The following LRRC4C variants were observed in gnomAD, a reference collection of about 807,000 sequenced individuals.
The protein encoded by LRRC4C is leucine-rich repeat-containing protein 4C.
In LRRC4C, 5 loss-of-function variants were observed where a neutral mutation model predicts 33.6. The ratio of observed to expected loss-of-function variants is 0.15; its 90% confidence interval spans 0.08 to 0.31. LRRC4C has a LOEUF of 0.31. Among genes scored for constraint, LRRC4C ranks in the 10% least tolerant of loss-of-function variants. The pLI is 1.00. For missense variants in LRRC4C, 560 were observed against 796.7 expected, an observed-to-expected ratio of 0.70 and a Z score of 3.58; for synonymous variants, 329 against 302.0, an observed-to-expected ratio of 1.09 and a Z score of -0.93.
At chr11:40,623,688 C>G (rs572550308) in intron 3 of LRRC4C, among the ~76,000 whole-genome samples, 1 of 152,178 alleles carries the variant, frequency 6.6e-6, no homozygotes, top group East Asian at 1.9e-4. Context: ...CAACAATGTC[C>G]TGGCTGCTGG....
chr11:41,239,870 C>T (rs114699902), intron 1 of LRRC4C, among the ~76,000 whole-genome samples: 362 of 152,204 alleles, frequency 2.4e-3, no homozygotes, highest in African/African-American at 7.1e-3. Context: ...ATATTATTTT[C>T]GTTCATTCAT....
At position 41,178,673 on chromosome 11, in the gene LRRC4C, G is replaced by A. The variant is rs182610499; in HGVS notation, c.-495-244950C>T. Among the ~76,000 whole-genome samples the A allele has an allele frequency of 2.6e-3, 390 of 152,068 alleles. 2 individuals are homozygous for A. Among genetic ancestry groups the A allele is most frequent in the African/African-American group, 8.9e-3 (370 of 41,494 alleles). On this transcript the variant is annotated intron_variant, in intron 1 of 6. Coordinates refer to ENST00000528697, the MANE Select transcript of LRRC4C (RefSeq NM_001258419.2). ...TGCCTAGCCCCAGACTTTCTAAATC[G>A]GATTATTTAAAGGTGAGACCCAGGA...
At chr11:41,147,789 A>T (rs933598459) in intron 1 of LRRC4C, among the ~76,000 whole-genome samples, 1 of 152,198 alleles carries the variant, frequency 6.6e-6, no homozygotes, top group African/African-American at 2.4e-5. Context: ...ATAAAGCCAT[A>T]AAAAGTTGCT....
At chr11:41,229,622 T>A (rs928301980) in intron 1 of LRRC4C, among the ~76,000 whole-genome samples, 2 of 152,098 alleles carry the variant, frequency 1.3e-5, no homozygotes, top group Admixed American at 1.3e-4. Context: ...ATGGCCAATT[T>A]CTCAAAAATG....
chr11:40,546,456 T>A (rs1956929238), intron 3 of LRRC4C, among the ~76,000 whole-genome samples: 1 of 152,070 alleles, frequency 6.6e-6, no homozygotes, highest in South Asian at 2.1e-4. Context: ...TTGGGATCAA[T>A]TTTACATGGT....
intron 1 of LRRC4C, among the ~76,000 whole-genome samples, chr11:41,362,855 G>A (rs1403024817): frequency 1.3e-5 from 2 of 151,292 alleles, no homozygotes; most frequent in African/African-American, 4.9e-5. Context: ...AATCTTTTCT[G>A]TCTGACTCTG....
chr11:40,939,030 T>C (rs766368862), intron 1 of LRRC4C, among the ~76,000 whole-genome samples: 63 of 152,078 alleles, frequency 4.1e-4, no homozygotes, highest in Non-Finnish European at 7.5e-4. Flanking sequence ...GTTTATGATA[T>C]AATAGTGAAT....
At chr11:40,150,385 TTC>T (rs935559333) in intron 5 of LRRC4C, among the ~76,000 whole-genome samples, 52 of 152,342 alleles carry the variant, frequency 3.4e-4, no homozygotes, top group African/African-American at 1.1e-3. Context: ...GTAAAGCAAT[TTC>T]TTTGTATTCT....
chr11:41,149,272 G>A (rs553292862), intron 1 of LRRC4C, among the ~76,000 whole-genome samples: 63 of 152,168 alleles, frequency 4.1e-4, no homozygotes, highest in African/African-American at 1.3e-3. Flanking sequence ...TTGGGAGGCC[G>A]AGGCGGGCGG....
At chr11:40,806,967 A>G (rs1228281101) in intron 2 of LRRC4C, among the ~76,000 whole-genome samples, 1 of 152,070 alleles carries the variant, frequency 6.6e-6, no homozygotes, top group African/African-American at 2.4e-5. Context: ...GATTAAAAAA[A>G]AACTGCTCTA....
chr11:40,433,137 A>G (rs996755512), intron 3 of LRRC4C, among the ~76,000 whole-genome samples: 1 of 152,176 alleles, frequency 6.6e-6, no homozygotes, highest in Non-Finnish European at 1.5e-5. Context: ...ATATTTTTGT[A>G]ACTTTCTTTT....
At chr11:41,081,107 T>G (rs752952639) in intron 1 of LRRC4C, among the ~76,000 whole-genome samples, 2 of 152,186 alleles carry the variant, frequency 1.3e-5, no homozygotes, top group Non-Finnish European at 2.9e-5. Flanking sequence ...GACACATTAT[T>G]GTACCTGAGT....
chr11:41,099,746 C>A (rs1941048407), intron 1 of LRRC4C, among the ~76,000 whole-genome samples: 1 of 152,106 alleles, frequency 6.6e-6, no homozygotes, highest in South Asian at 2.1e-4. Flanking sequence ...ACTAAATAGG[C>A]AAAAGCTAGG....
At chr11:41,179,711 A>G (rs960371186) in intron 1 of LRRC4C, among the ~76,000 whole-genome samples, 15 of 152,222 alleles carry the variant, frequency 9.9e-5, no homozygotes, top group Non-Finnish European at 2.2e-4. Context: ...ACTGTTTCCT[A>G]CAACACAGAA....
chr11:41,066,427 G>A (rs1010230455), intron 1 of LRRC4C, among the ~76,000 whole-genome samples: 11 of 152,126 alleles, frequency 7.2e-5, no homozygotes, highest in African/African-American at 1.7e-4. Flanking sequence ...TAAAAAGACC[G>A]AACCTGTGAT....
chr11:40,742,848 A>T (rs1337367169), intron 2 of LRRC4C, among the ~76,000 whole-genome samples: 1 of 152,010 alleles, frequency 6.6e-6, no homozygotes, highest in Non-Finnish European at 1.5e-5. Context: ...ATAATTATGG[A>T]TTTTTATAAT....
rs534162874 is a variant in LRRC4C at position 41,373,723 on chromosome 11, T to C, written c.-496+85708A>G. Among the ~76,000 whole-genome samples the C allele has an allele frequency of 1.8e-4, 27 of 152,288 alleles. No individual in the cohort carries two copies. In the South Asian group the frequency reaches 5.0e-3, roughly 28 times the overall value. ...CGACAGTGTAAGCTTTTTTATAATTTGGGTTATGAATGTATAGGATCCATG... is the reference window on the plus strand; with the variant it reads ...CGACAGTGTAAGCTTTTTTATAATTCGGGTTATGAATGTATAGGATCCATG... On this transcript the variant is annotated intron_variant, in intron 1 of 6. Transcript: ENST00000528697.
chr11:40,975,836 G>A (rs1193666587), intron 1 of LRRC4C, among the ~76,000 whole-genome samples: 2 of 152,156 alleles, frequency 1.3e-5, no homozygotes, highest in East Asian at 3.9e-4. Flanking sequence ...CTCCTTGAAA[G>A]CTTAGAGAAT....
At chr11:41,393,572 A>G (rs530121819) in intron 1 of LRRC4C, among the ~76,000 whole-genome samples, 4 of 151,956 alleles carry the variant, frequency 2.6e-5, no homozygotes, top group South Asian at 2.1e-4. Context: ...GGTGAACATA[A>G]TTTTGTAACC....
Sources: allele counts gnomAD v4.1 joint callset (sites outside exome capture counted in the v4.1 genomes callset), GRCh38; gene constraint gnomAD v4.1.1; transcripts MANE v1.5; gene names NCBI Gene and HGNC (gene_info 2026-07-23, HGNC 2026-07-21).